SLC2A12: variants seen among roughly 807,000 people sequenced by gnomAD.
The protein encoded by SLC2A12 is solute carrier family 2 member 12.
A neutral mutation model predicts 41.8 loss-of-function variants in SLC2A12; 23 were observed. The observed-to-expected ratio is 0.55, with a 90% CI of 0.40 to 0.78. The LOEUF (loss-of-function observed/expected upper bound fraction) is 0.78, where lower values mean the gene tolerates loss of function less well. SLC2A12 is among the 30% of genes least tolerant of loss of function. The pLI is 0.00. For synonymous variants in SLC2A12, 295 were observed against 285.9 expected (o/e 1.03, Z -0.32); for missense variants, 654 against 745.6 (o/e 0.88, Z 1.43).
rs567380710 is a variant in SLC2A12 at position 134,037,276 on chromosome 6, T to G, written c.104-7555A>C. 6.1e-5 allele frequency among the ~76,000 whole-genome samples: 9 copies of G among 147,894 alleles called. No individual in the cohort carries two copies. The East Asian group carries it at 1.0e-3, about 17-fold the overall frequency. On this transcript the variant is annotated intron_variant, in intron 1 of 4. Transcript: ENST00000275230. ...TTCAAGTGATGCTCCTTCCTTGGCC[T>G]CCTCCTATTCATTTTTAAAGGGCCA...
intron 1 of SLC2A12, among the ~76,000 whole-genome samples, chr6:134,046,525 C>T (rs1348118605): frequency 6.6e-6 from 1 of 152,130 alleles, no homozygotes; most frequent in African/African-American, 2.4e-5. Flanking sequence ...ATTAGGTGGG[C>T]AGCGGTGCCT....
chr6:134,006,181 A>AAC (rs1195415586), intron 3 of SLC2A12, among the ~76,000 whole-genome samples: 14 of 142,848 alleles, frequency 9.8e-5, no homozygotes, highest in African/African-American at 3.3e-4. Context: ...TATCGGAAAA[A>AAC]AAAAAAAAAA....
intron 2 of SLC2A12, among the ~76,000 whole-genome samples, chr6:134,008,046 A>G (rs2170869): frequency 0.021 from 3,199 of 152,332 alleles, 105 homozygotes; most frequent in African/African-American, 0.07. Context: ...GCCCTGCCCC[A>G]GCTCAGGCTC....
At chr6:134,045,115 C>T (rs148857956) in intron 1 of SLC2A12, among the ~76,000 whole-genome samples, 2 of 152,304 alleles carry the variant, frequency 1.3e-5, no homozygotes, top group African/African-American at 4.8e-5. Flanking sequence ...CAGAACTTTC[C>T]AAGCACTGTC....
intron 1 of SLC2A12, among the ~76,000 whole-genome samples, chr6:134,031,478 G>T (rs761885384): frequency 6.6e-6 from 1 of 152,106 alleles, no homozygotes; most frequent in Admixed American, 6.5e-5. Flanking sequence ...TAAAAAATGG[G>T]TCAGAACCCA....
At chr6:134,032,426 T>TATA (rs1777223371) in intron 1 of SLC2A12, among the ~76,000 whole-genome samples, 35 of 35,502 alleles carry the variant, frequency 9.9e-4, no homozygotes, top group South Asian at 6.3e-3. Context: ...ATATATATAT[T>TATA]TATATATATA....
chr6:134,041,735 A>C (rs1352103784), intron 1 of SLC2A12, among the ~76,000 whole-genome samples: 1 of 152,134 alleles, frequency 6.6e-6, no homozygotes, highest in African/African-American at 2.4e-5. Context: ...CATTTTATTT[A>C]CTGTTAAATC....
At chr6:134,049,279 G>C (rs1250795518) in intron 1 of SLC2A12, among the ~76,000 whole-genome samples, 1 of 152,172 alleles carries the variant, frequency 6.6e-6, no homozygotes. Flanking sequence ...CTGCAGTGCT[G>C]ACAACCTGCA....
At chr6:134,047,088 C>G (rs183487601) in intron 1 of SLC2A12, among the ~76,000 whole-genome samples, 29 of 152,230 alleles carry the variant, frequency 1.9e-4, no homozygotes, top group African/African-American at 7.0e-4. Context: ...GATATTTGGT[C>G]AAATAGCCTC....
chr6:134,028,967 T>C lies in SLC2A12; in HGVS notation c.858A>G (p.Val286=). The change falls in exon 2 of 5, where the codon GTA becomes GTG. Residue 286 remains valine (V), a synonymous_variant. Transcript: ENST00000275230. ...GTTGGCCAGTGATTTGTACAAAAAA[T>C]ACTAGTGTTAGTCCTATCATTATTC... ...RTRIMIGLTL[V]FFVQITGQPN... 3.1e-6 allele frequency: 5 copies of C among 1,614,218 alleles called. No individual in the cohort carries two copies. The highest frequency in any genetic ancestry group is 4.2e-6 in the Non-Finnish European group (5 of 1,180,038).
rs1776820982 is a variant in SLC2A12, at chr6:134,006,750, T to A, written c.1567+62A>T. ...CGAAAAAATGGTCTTTAGGTGGGTG[T>A]GATTCCCTAACATTTGTCCTACGAG... On this transcript the variant is annotated intron_variant, in intron 3 of 4. Coordinates refer to ENST00000275230, the MANE Select transcript of SLC2A12 (RefSeq NM_145176.3). The A allele has an allele frequency of 1.1e-5, 18 of 1,599,328 alleles. No individual in the cohort carries two copies. In the South Asian group the frequency reaches 2.0e-4, roughly 18 times the overall value.
At chr6:134,032,460 ATATATTTTTATATATATATATATATAT>A (rs1777229961) in intron 1 of SLC2A12, among the ~76,000 whole-genome samples, 1 of 36,000 alleles carries the variant, frequency 2.8e-5, no homozygotes, top group African/African-American at 1.2e-4. Flanking sequence ...ATATATATAT[ATATATTTTTATATATATATATATATAT>A]TTGTTCTGTT....
At position 134,032,590 on chromosome 6, in the gene SLC2A12, C is replaced by T. The variant is rs189699416; in HGVS notation, c.104-2869G>A. Among the ~76,000 whole-genome samples the T allele has an allele frequency of 2.0e-3, 292 of 145,750 alleles. 3 individuals are homozygous for T. The highest frequency in any genetic ancestry group is 7.2e-3 in the African/African-American group (282 of 39,064). ...TCAGTTGCCTGAATTTTAATATCTT[C>T]CCTATTATATGCTTTAAGGGACACT... is the stretch of plus-strand genomic sequence containing the variant. On this transcript the variant is annotated intron_variant, in intron 1 of 4. Transcript: ENST00000275230.
chr6:134,038,587 T>A (rs1777337461), intron 1 of SLC2A12, among the ~76,000 whole-genome samples: 1 of 151,466 alleles, frequency 6.6e-6, no homozygotes, highest in South Asian at 2.1e-4. Flanking sequence ...CTTGCACACC[T>A]GGCCTCAAGT....
chr6:133,992,204 C>G (rs1001205797), intron 4 of SLC2A12, among the ~76,000 whole-genome samples: 8 of 152,060 alleles, frequency 5.3e-5, no homozygotes, highest in Non-Finnish European at 5.9e-5. Flanking sequence ...ATGATAATCC[C>G]ATAGGAGGGG....
chr6:134,001,220 G>A (rs573342943), intron 4 of SLC2A12, among the ~76,000 whole-genome samples: 33 of 152,182 alleles, frequency 2.2e-4, no homozygotes, highest in African/African-American at 7.0e-4. Context: ...ATACTGCTCC[G>A]GTGATGGGTG....
chr6:134,011,515 C>A (rs1318749026), intron 2 of SLC2A12, among the ~76,000 whole-genome samples: 1 of 151,942 alleles, frequency 6.6e-6, no homozygotes, highest in African/African-American at 2.4e-5. Flanking sequence ...CTCAGCTACC[C>A]AGGAGGCTGA....
intron 2 of SLC2A12, among the ~76,000 whole-genome samples, chr6:134,012,685 C>T (rs1397602785): frequency 6.8e-6 from 1 of 145,988 alleles, no homozygotes; most frequent in Non-Finnish European, 1.5e-5. Flanking sequence ...AATTTAGGAA[C>T]AGGCCAGCGC....
chr6:134,006,886 C>T lies in SLC2A12; in HGVS notation c.1493G>A (p.Arg498Gln), dbSNP rs1356640098. Reference protein sequence around the residue: ...SEIFPGGIRGRAMALTSSMNW... With the variant: ...SEIFPGGIRGQAMALTSSMNW... ...CATGCTAGAAGTTAAAGCCATGGCT[C>T]GTCCTCTGATCCCACCAGGAAAGAT... The change falls in exon 3 of 5, where the codon CGA becomes CAA. Residue 498 changes from arginine (R) to glutamine (Q), a missense_variant. Physicochemically the swap from Arg to Gln is conservative, Grantham distance 43. This residue lies in a region of SLC2A12 where 134 missense variants were observed against 180.5 expected (regional missense o/e 0.74). Coordinates refer to ENST00000275230, the MANE Select transcript of SLC2A12 (RefSeq NM_145176.3). 6.2e-7 allele frequency: 1 copy of T among 1,614,024 alleles called. No individual in the cohort carries two copies. The highest frequency in any genetic ancestry group is 8.5e-7 in the Non-Finnish European group (1 of 1,180,034).
Sources: allele counts gnomAD v4.1 joint callset (sites outside exome capture counted in the v4.1 genomes callset), GRCh38; gene constraint gnomAD v4.1.1; regional missense constraint gnomAD v4.1.1; transcripts MANE v1.5; gene names NCBI Gene and HGNC (gene_info 2026-07-23, HGNC 2026-07-21).